Variants in USP37 observed in about 807,000 individuals in gnomAD.
The protein encoded by USP37 is ubiquitin carboxyl-terminal hydrolase 37.
USP37 carries 27 observed loss-of-function variants against 124.0 expected under a neutral mutation model. The ratio of observed to expected loss-of-function variants is 0.22; its 90% CI spans 0.16 to 0.30. The LOEUF is 0.30. Among genes scored for constraint, USP37 ranks in the 10% least tolerant of loss-of-function variants. The probability of loss-of-function intolerance (pLI) is 1.00; values close to 1 mark genes in which losing one functional copy is unlikely to be tolerated. For missense variants in USP37, 889 were observed against 1,140.4 expected (o/e 0.78, Z 3.17); for synonymous variants, 365 against 388.0 (o/e 0.94, Z 0.70).
At chr2:218,528,563 GGT>G (rs1691110618) in intron 10 of USP37, 1 of 381,670 alleles carries the variant, frequency 2.6e-6, no homozygotes, top group African/African-American at 2.1e-5. Flanking sequence ...TGAGAATGAT[GGT>G]TTTCAGCTTC....
intron 9 of USP37, among the ~76,000 whole-genome samples, chr2:218,533,627 T>G (rs1338823154): frequency 6.6e-6 from 1 of 152,224 alleles, no homozygotes; most frequent in Non-Finnish European, 1.5e-5. Flanking sequence ...TTCTAAATAT[T>G]ATTATTTCAG....
intron 10 of USP37, among the ~76,000 whole-genome samples, chr2:218,524,495 C>T (rs1035076267): frequency 2.6e-5 from 4 of 152,194 alleles, no homozygotes; most frequent in African/African-American, 9.7e-5. Flanking sequence ...TTCTCCACTC[C>T]TGTATTTCTT....
chr2:218,521,843 T>C (rs1466472766), intron 10 of USP37, among the ~76,000 whole-genome samples: 1 of 152,186 alleles, frequency 6.6e-6, no homozygotes. Flanking sequence ...TTAATTCTAA[T>C]GCATCCCCTG....
At position 218,474,623 on chromosome 2, in the gene USP37, A is replaced by T. The variant is rs368262716; in HGVS notation, c.2299+7T>A. On this transcript the variant is annotated splice_region_variant and intron_variant, in intron 20 of 25. Coordinates refer to ENST00000258399, the MANE Select transcript of USP37 (RefSeq NM_020935.3). ...TTTCACAGAGGTTTAATCTTCATTA[A>T]ACCTACCCAGCTCTGTGATTGTTTT... is the stretch of plus-strand genomic sequence containing the variant. 233 of 1,613,528 alleles carry T rather than the reference A, an allele frequency of 1.4e-4. No homozygotes were observed. In the East Asian group the frequency reaches 3.9e-3, roughly 27 times the overall value.
intron 5 of USP37, among the ~76,000 whole-genome samples, chr2:218,551,558 A>G (rs2106050018): frequency 6.6e-6 from 1 of 152,284 alleles, no homozygotes; most frequent in East Asian, 1.9e-4. Context: ...ATTTCAACCT[A>G]CATCTATTTA....
At position 218,542,673 on chromosome 2, in the gene USP37, A is replaced by G. The variant is rs1173168261; in HGVS notation, c.680+3548T>C. On this transcript the variant is annotated intron_variant, in intron 8 of 25. Transcript: ENST00000258399. ...CATGATAGATTCCAATTCAGCTGTTAGCTTCATGATAGAATAGCTGGGAGC... is the reference window on the plus strand; with the variant it reads ...CATGATAGATTCCAATTCAGCTGTTGGCTTCATGATAGAATAGCTGGGAGC... 2.0e-5 allele frequency among the ~76,000 whole-genome samples: 3 copies of G among 152,198 alleles called. No individual in the cohort carries two copies. The East Asian group carries it at 5.8e-4, about 29-fold the overall frequency.
chr2:218,471,283 T>C (rs1160084299), intron 20 of USP37, among the ~76,000 whole-genome samples: 1 of 152,166 alleles, frequency 6.6e-6, no homozygotes, highest in Non-Finnish European at 1.5e-5. Flanking sequence ...TATTTGATGA[T>C]CTAAGTTCAC....
intron 24 of USP37, 90 bp downstream of exon 24, chr2:218,457,002 A>G: frequency 7.7e-7 from 1 of 1,292,022 alleles, no homozygotes; most frequent in Non-Finnish European, 1.1e-6. Context: ...AGAAAAACAC[A>G]CTTCACAAAG....
intron 10 of USP37, among the ~76,000 whole-genome samples, chr2:218,519,787 T>C (rs1013145357): frequency 1.3e-5 from 2 of 151,962 alleles, no homozygotes; most frequent in African/African-American, 2.4e-5. Context: ...GTATTATTAG[T>C]AGAGACGGGG....
intron 10 of USP37, among the ~76,000 whole-genome samples, chr2:218,520,403 G>A (rs1191633157): frequency 2.1e-5 from 3 of 140,556 alleles, no homozygotes; most frequent in Non-Finnish European, 4.6e-5. Flanking sequence ...AGGCTGGAGT[G>A]CAACGGAGCG....
At chr2:218,465,894 G>A (rs1690289667) in intron 21 of USP37, 116 bp downstream of exon 21, 1 of 1,329,766 alleles carries the variant, frequency 7.5e-7, no homozygotes, top group Non-Finnish European at 1.0e-6. Flanking sequence ...CTTACTCTAT[G>A]TAAATCATCT....
intron 20 of USP37, among the ~76,000 whole-genome samples, chr2:218,467,315 ATATCTATCTATCTATCTATCTATC>A (rs55656029): frequency 4.2e-5 from 6 of 141,640 alleles, no homozygotes; most frequent in Non-Finnish European, 7.5e-5. Context: ...CAGCTAATCT[ATATCTATCTATCTATCTATCTATC>A]TATCTATCTA....
intron 17 of USP37, among the ~76,000 whole-genome samples, chr2:218,480,145 C>CAA (rs1248851450): frequency 8.2e-5 from 10 of 122,146 alleles, no homozygotes; most frequent in African/African-American, 1.8e-4. Context: ...GACTCCATCT[C>CAA]AAAAAAAAAA....
chr2:218,526,890 G>A (rs1045187302), intron 10 of USP37, among the ~76,000 whole-genome samples: 10 of 143,978 alleles, frequency 6.9e-5, no homozygotes, highest in South Asian at 2.3e-4. Context: ...CCGGGTTCAC[G>A]CCATTCACCC....
At chr2:218,546,150 T>C in intron 8 of USP37, 71 bp downstream of exon 8, 1 of 1,245,256 alleles carries the variant, frequency 8.0e-7, no homozygotes, top group Non-Finnish European at 1.1e-6. Context: ...TCCCCAATCT[T>C]CCCCAGTGGT....
At chr2:218,488,697 G>T (rs1691733700) in intron 14 of USP37, among the ~76,000 whole-genome samples, 1 of 152,096 alleles carries the variant, frequency 6.6e-6, no homozygotes, top group Non-Finnish European at 1.5e-5. Flanking sequence ...GTACAATGGT[G>T]CGATCTCGGC....
At chr2:218,496,972 A>G (rs958130842) in intron 13 of USP37, among the ~76,000 whole-genome samples, 5 of 151,826 alleles carry the variant, frequency 3.3e-5, no homozygotes, top group Admixed American at 6.6e-5. Context: ...TTTTCAATCT[A>G]TAATGAACAC....
rs377443673 is a variant in USP37, at chr2:218,549,788, A to G, written c.429+21T>C. On this transcript the variant is annotated intron_variant, in intron 6 of 25. Transcript: ENST00000258399. ...CAACTATCATTTTTTTTAAATGCTA[A>G]AAAGATTCAAATGAACATACCTGAT... 18 of 1,604,738 alleles carry G rather than the reference A, an allele frequency of 1.1e-5. No individual in the cohort carries two copies. In the African/African-American group the frequency reaches 2.3e-4, roughly 20 times the overall value.
intron 20 of USP37, among the ~76,000 whole-genome samples, chr2:218,466,778 A>C (rs35795753): frequency 0.041 from 6,204 of 152,152 alleles, 168 homozygotes; most frequent in East Asian, 0.12. Flanking sequence ...TCTCTCACCC[A>C]GGCTGGAGTC....
Sources: allele counts gnomAD v4.1 joint callset (sites outside exome capture counted in the v4.1 genomes callset), GRCh38; gene constraint gnomAD v4.1.1; transcripts MANE v1.5; gene names NCBI Gene and HGNC (gene_info 2026-07-23, HGNC 2026-07-21).